Variants in TET1 observed in about 807,000 individuals in gnomAD.
The protein encoded by TET1 is methylcytosine dioxygenase TET1.
TET1 carries 13 observed loss-of-function variants against 148.7 expected under a neutral mutation model. The ratio of observed to expected loss-of-function variants is 0.09; its 90% confidence interval spans 0.06 to 0.14. The LOEUF (loss-of-function observed/expected upper bound fraction) is 0.14, where lower values mean the gene tolerates loss of function less well. Among genes scored for constraint, TET1 ranks in the 10% least tolerant of loss-of-function variants. The pLI is 1.00. For missense variants in TET1, 2,182 were observed against 2,553.8 expected (o/e 0.85, Z 3.14); for synonymous variants, 907 against 937.2 (o/e 0.97, Z 0.59).
intron 4 of TET1, among the ~76,000 whole-genome samples, chr10:68,650,338 T>A (rs117444568): frequency 0.014 from 2,145 of 152,266 alleles, 19 homozygotes; most frequent in Non-Finnish European, 0.022. Flanking sequence ...CAAGTGTATC[T>A]TACTTAAGAA....
At chr10:68,611,646 CTTTCTTTCTTTTCTTTTCTTTTCT>C (rs1231997596) in intron 3 of TET1, among the ~76,000 whole-genome samples, 6 of 129,142 alleles carry the variant, frequency 4.6e-5, no homozygotes, top group South Asian at 2.7e-4. Flanking sequence ...GTCAGAGACC[CTTTCTTTCTTTTCTTTTCTTTTCT>C]TTTCTTTCTT....
intron 3 of TET1, among the ~76,000 whole-genome samples, chr10:68,613,652 G>A (rs1047449812): frequency 8.5e-5 from 13 of 152,142 alleles, no homozygotes; most frequent in African/African-American, 3.1e-4. Context: ...AACACTACTG[G>A]TTGGCCGGAC....
chr10:68,628,389 T>G (rs960424600), intron 3 of TET1, among the ~76,000 whole-genome samples: 8 of 152,094 alleles, frequency 5.3e-5, no homozygotes, highest in Admixed American at 3.9e-4. Flanking sequence ...TTAATAAGAG[T>G]TTTCTACATG....
rs570579535 is a variant in TET1, at chr10:68,596,184, C to T, written c.1915-4797C>T. ...CTCCTGAGTAGCTTGAGATTACAGG[C>T]ACGTGCCACCATGCCCAGCGGAAGA... On this transcript the variant is annotated intron_variant, in intron 2 of 11. Transcript: ENST00000373644. 1.5e-4 allele frequency among the ~76,000 whole-genome samples: 23 copies of T among 150,682 alleles called. 1 individual carries two copies. In the South Asian group the frequency reaches 4.8e-3, roughly 32 times the overall value.
Position 68,619,472 on chromosome 10 carries a change from C to T in TET1, c.1968+18438C>T, listed in dbSNP as rs7908749. On this transcript the variant is annotated intron_variant, in intron 3 of 11. Coordinates refer to ENST00000373644, the MANE Select transcript of TET1 (RefSeq NM_030625.3). ...TCAAGTAATCTAGCCCCCTCAGCCT[C>T]CCAAAGTGCTGGGGTTACGGGTGTG... Among the ~76,000 whole-genome samples the T allele has an allele frequency of 9.3e-3, 1,412 of 152,228 alleles. 25 individuals are homozygous for T. Among genetic ancestry groups the T allele is most frequent in the African/African-American group, 0.032 (1,314 of 41,546 alleles).
chr10:68,631,950 A>AG (rs1412182905), intron 3 of TET1, among the ~76,000 whole-genome samples: 5 of 151,712 alleles, frequency 3.3e-5, no homozygotes, highest in Admixed American at 1.3e-4. Flanking sequence ...GCTTGGAGTT[A>AG]GGCAAGGTCC....
chr10:68,570,772 G>C (rs2053660773), intron 1 of TET1, among the ~76,000 whole-genome samples: 1 of 151,200 alleles, frequency 6.6e-6, no homozygotes, highest in African/African-American at 2.4e-5. Context: ...TGGGACTACG[G>C]GCACCCGCCG....
At position 68,667,072 on chromosome 10, in the gene TET1, A is replaced by G; in HGVS notation, c.4489A>G (p.Lys1497Glu). The G allele has an allele frequency of 6.2e-7, 1 of 1,613,960 alleles. No individual in the cohort carries two copies. Among genetic ancestry groups the G allele is most frequent in the Non-Finnish European group, 8.5e-7 (1 of 1,179,924 alleles). The part of the protein sequence containing the change: ...WVLRRSSDEE[K>E]VLCLVRQRTG... Reference sequence around the variant, plus strand: ...TTTAAGAAGAAGCAGTGATGAAGAAAAAGTTCTTTGTTTGGTCCGGCAGCG... The same window carrying G: ...TTTAAGAAGAAGCAGTGATGAAGAAGAAGTTCTTTGTTTGGTCCGGCAGCG... Residue 1497 changes from lysine to glutamate, a missense_variant, in exon 7 of 12, where the codon AAA (lysine) becomes GAA (glutamate). Transcript: ENST00000373644.
intron 9 of TET1, among the ~76,000 whole-genome samples, chr10:68,682,093 CTTTTT>C (rs386371716): frequency 4.5e-5 from 3 of 67,070 alleles, no homozygotes; most frequent in South Asian, 6.9e-4. Flanking sequence ...TTGATCTACT[CTTTTT>C]TTTTTTTTTT....
At chr10:68,618,029 C>A (rs970965053) in intron 3 of TET1, among the ~76,000 whole-genome samples, 3 of 151,796 alleles carry the variant, frequency 2.0e-5, no homozygotes, top group African/African-American at 7.3e-5. Flanking sequence ...TCAAGTGATC[C>A]TCCTGAGGCA....
chr10:68,568,395 G>A lies in TET1; in HGVS notation c.-122-3822G>A, dbSNP rs1017221280. On this transcript the variant is annotated intron_variant, in intron 1 of 11. Coordinates refer to ENST00000373644, the MANE Select transcript of TET1 (RefSeq NM_030625.3). ...CCACCACCACGCCCAGCTACTTTTT[G>A]TATTTTTAGTAGAGACAGGGTTTCA... 2.5e-4 allele frequency among the ~76,000 whole-genome samples: 38 copies of A among 151,804 alleles called. 1 individual carries two copies. Among genetic ancestry groups the A allele is most frequent in the Admixed American group, 3.3e-4 (5 of 15,234 alleles).
intron 2 of TET1, among the ~76,000 whole-genome samples, chr10:68,574,835 A>G (rs1418116474): frequency 6.6e-6 from 1 of 152,214 alleles, no homozygotes; most frequent in African/African-American, 2.4e-5. Context: ...GGATTAAAGG[A>G]AAATGGCTTG....
intron 3 of TET1, among the ~76,000 whole-genome samples, chr10:68,639,562 A>G (rs1294172177): frequency 6.6e-6 from 1 of 151,726 alleles, no homozygotes; most frequent in Non-Finnish European, 1.5e-5. Flanking sequence ...TGTGCCTCCC[A>G]GGTTCACGTG....
At chr10:68,587,921 C>A (rs1370479637) in intron 2 of TET1, among the ~76,000 whole-genome samples, 1 of 152,118 alleles carries the variant, frequency 6.6e-6, no homozygotes, top group Non-Finnish European at 1.5e-5. Context: ...CTCTATCACC[C>A]AGGCTGGAGT....
chr10:68,601,924 A>G (rs1265803663), intron 3 of TET1, among the ~76,000 whole-genome samples: 2 of 152,156 alleles, frequency 1.3e-5, no homozygotes, highest in Non-Finnish European at 2.9e-5. Flanking sequence ...TTCCTTTTTT[A>G]CACATAAAGT....
chr10:68,687,451 A>G (rs1404713609), intron 11 of TET1, among the ~76,000 whole-genome samples: 2 of 152,178 alleles, frequency 1.3e-5, no homozygotes, highest in Non-Finnish European at 2.9e-5. Context: ...GATAAGAGAC[A>G]TGACTTTCGG....
intron 3 of TET1, among the ~76,000 whole-genome samples, chr10:68,630,238 T>C (rs1315299954): frequency 6.6e-6 from 1 of 152,112 alleles, no homozygotes; most frequent in Non-Finnish European, 1.5e-5. Flanking sequence ...CCTTGGGTTA[T>C]TATTAAGTGG....
intron 8 of TET1, among the ~76,000 whole-genome samples, chr10:68,680,489 T>A (rs1023843809): frequency 3.9e-5 from 6 of 152,198 alleles, no homozygotes; most frequent in African/African-American, 1.4e-4. Context: ...GGACTGCAAG[T>A]ATACTCCGTC....
Position 68,595,943 on chromosome 10 carries a change from TATATATATATATATATATAC to T in TET1, c.1915-5036_1915-5017del, listed in dbSNP as rs1386669027. On this transcript the variant is annotated intron_variant, in intron 2 of 11. Transcript: ENST00000373644. ...ACATATATATATATATATATATATA[TATATATATATATATATATAC>T]ACACACACACACACATATATACACA... 4.8e-3 allele frequency among the ~76,000 whole-genome samples: 187 copies of T among 39,062 alleles called. 12 individuals are homozygous for T. Among genetic ancestry groups the T allele is most frequent in the South Asian group, 0.046 (42 of 908 alleles). 25.6% of individuals were successfully genotyped at this position (39,062 alleles called of 152,430 possible).
Sources: gnomAD v4.1 joint callset for allele counts (sites outside exome capture counted in the v4.1 genomes callset) on GRCh38, gnomAD v4.1.1 for gene constraint, MANE v1.5 for transcripts, NCBI Gene and HGNC (gene_info 2026-07-23, HGNC 2026-07-21) for gene names.